The following COL23A1 variants were observed in gnomAD, a reference collection of about 807,000 sequenced individuals.
The protein encoded by COL23A1 is collagen type XXIII alpha 1 chain.
A neutral mutation model predicts 99.3 loss-of-function variants in COL23A1; 97 were observed. That is an observed-to-expected ratio of 0.98 (90% confidence interval 0.83 to 1.16). COL23A1 has a LOEUF of 1.16. Ranked by LOEUF, COL23A1 falls within the 50% of genes most tolerant of loss-of-function variation. The pLI is 0.00. For synonymous variants in COL23A1, 320 were observed against 308.2 expected (o/e 1.04, Z -0.40); for missense variants, 762 against 757.4 (o/e 1.01, Z -0.07).
intron 1 of COL23A1, among the ~76,000 whole-genome samples, chr5:178,581,626 G>GTTA (rs2113723558): frequency 6.6e-6 from 1 of 151,748 alleles, no homozygotes; most frequent in Admixed American, 6.6e-5. Flanking sequence ...TCTGTATCCA[G>GTTA]TTACTCCACA....
At chr5:178,562,149 G>GAGTTT (rs1474167895) in intron 1 of COL23A1, 1 of 504,546 alleles carries the variant, frequency 2.0e-6, no homozygotes, top group Non-Finnish European at 3.9e-6. Context: ...GACTGAGGCT[G>GAGTTT]GAGAACTGCT....
chr5:178,343,192 G>A (rs919480011), intron 2 of COL23A1, among the ~76,000 whole-genome samples: 5 of 152,156 alleles, frequency 3.3e-5, no homozygotes, highest in Non-Finnish European at 5.9e-5. Context: ...CATGGTTCAA[G>A]ACATGAGAAG....
At chr5:178,566,379 C>G (rs1467228348) in intron 1 of COL23A1, among the ~76,000 whole-genome samples, 1 of 152,184 alleles carries the variant, frequency 6.6e-6, no homozygotes, top group Non-Finnish European at 1.5e-5. Flanking sequence ...ATACCAATTA[C>G]AAACCAAAAG....
Position 178,357,918 on chromosome 5 carries a change from GTGTA to G in COL23A1, c.362-51003_362-51000del, listed in dbSNP as rs1290915010. On this transcript the variant is annotated intron_variant, in intron 2 of 28. Coordinates refer to ENST00000390654, the MANE Select transcript of COL23A1 (RefSeq NM_173465.4). ...GTATGTGTGTCTAATGTGTGTGTAT[GTGTA>G]TGTGTGTATGTGTATGTATGTGTGT... Among the ~76,000 whole-genome samples the G allele has an allele frequency of 2.1e-3, 318 of 148,236 alleles. 2 individuals are homozygous for G. The highest frequency in any genetic ancestry group is 5.5e-3 in the African/African-American group (220 of 39,968).
chr5:178,357,904 T>TG (rs1761792744), intron 2 of COL23A1, among the ~76,000 whole-genome samples: 1 of 126,212 alleles, frequency 7.9e-6, no homozygotes, highest in Non-Finnish European at 1.7e-5. Context: ...TATGTGTGTC[T>TG]AATGTGTGTG....
At chr5:178,391,547 T>C (rs1763963055) in intron 2 of COL23A1, among the ~76,000 whole-genome samples, 1 of 152,102 alleles carries the variant, frequency 6.6e-6, no homozygotes, top group Admixed American at 6.5e-5. Context: ...TCACTCCCAC[T>C]AGGATGGCCA....
chr5:178,448,482 G>A (rs1767295175), intron 2 of COL23A1, among the ~76,000 whole-genome samples: 1 of 152,218 alleles, frequency 6.6e-6, no homozygotes, highest in South Asian at 2.1e-4. Flanking sequence ...CCGAGACTGG[G>A]TCATTTGTAA....
intron 2 of COL23A1, among the ~76,000 whole-genome samples, chr5:178,312,878 G>A (rs1012168941): frequency 6.6e-6 from 1 of 152,188 alleles, no homozygotes; most frequent in African/African-American, 2.4e-5. Context: ...CTATAGATCA[G>A]GGGAACTGAG....
chr5:178,419,886 T>C (rs1175806428), intron 2 of COL23A1, among the ~76,000 whole-genome samples: 2 of 152,206 alleles, frequency 1.3e-5, no homozygotes, highest in Admixed American at 6.5e-5. Context: ...GTAACCAGTC[T>C]CACTCTTTCT....
chr5:178,505,334 C>T (rs1758803814), intron 2 of COL23A1, among the ~76,000 whole-genome samples: 1 of 152,068 alleles, frequency 6.6e-6, no homozygotes, highest in South Asian at 2.1e-4. Flanking sequence ...ACGGCAACCT[C>T]CACCTCCCGG....
At chr5:178,377,581 C>T (rs1416348182) in intron 2 of COL23A1, among the ~76,000 whole-genome samples, 1 of 152,196 alleles carries the variant, frequency 6.6e-6, no homozygotes, top group Non-Finnish European at 1.5e-5. Context: ...AGCCTAACTT[C>T]CCTGGGTGCA....
At chr5:178,520,980 A>G (rs866827793) in intron 2 of COL23A1, among the ~76,000 whole-genome samples, 1 of 152,234 alleles carries the variant, frequency 6.6e-6, no homozygotes, top group African/African-American at 2.4e-5. Flanking sequence ...TGTGAACTTC[A>G]TAGCATGTAC....
intron 2 of COL23A1, among the ~76,000 whole-genome samples, chr5:178,420,296 C>G (rs1021566876): frequency 6.6e-6 from 1 of 152,144 alleles, no homozygotes; most frequent in South Asian, 2.1e-4. Context: ...GGGCAGCACT[C>G]GTGCCAGCAC....
intron 1 of COL23A1, chr5:178,562,783 CTGCTGATTGGTCCACTTTACAGAG>C (rs1413121275): frequency 4.0e-5 from 6 of 150,488 alleles, no homozygotes; most frequent in East Asian, 1.9e-4. Context: ...CGCCCATGTC[CTGCTGATTGGTCCACTTTACAGAG>C]TGCTGATTGG....
intron 2 of COL23A1, among the ~76,000 whole-genome samples, chr5:178,414,857 G>GC (rs1335904966): frequency 6.6e-6 from 1 of 152,168 alleles, no homozygotes; most frequent in African/African-American, 2.4e-5. Context: ...ACATCCCACA[G>GC]CCCTGCTTGA....
intron 2 of COL23A1, among the ~76,000 whole-genome samples, chr5:178,482,199 ACC>A (rs1757377552): frequency 6.6e-6 from 1 of 152,096 alleles, no homozygotes; most frequent in Non-Finnish European, 1.5e-5. Context: ...AAGGTTAACA[ACC>A]CAAATATCCA....
chr5:178,303,600 CTG>C (rs1298310715), intron 3 of COL23A1, among the ~76,000 whole-genome samples: 6 of 152,228 alleles, frequency 3.9e-5, no homozygotes, highest in Admixed American at 1.3e-4. Context: ...AGCACAGACA[CTG>C]TTGCCCGAAG....
chr5:178,336,623 C>T (rs1260291296), intron 2 of COL23A1, among the ~76,000 whole-genome samples: 1 of 152,178 alleles, frequency 6.6e-6, no homozygotes, highest in African/African-American at 2.4e-5. Flanking sequence ...CTTTTGGGTG[C>T]TGAAATGCTT....
chr5:178,579,814 C>T (rs906123982), intron 1 of COL23A1, among the ~76,000 whole-genome samples: 3 of 152,186 alleles, frequency 2.0e-5, no homozygotes, highest in Non-Finnish European at 4.4e-5. Context: ...CAAGGATGTC[C>T]ACACTCGCAG....
Sources: allele counts gnomAD v4.1 joint callset (sites outside exome capture counted in the v4.1 genomes callset), GRCh38; gene constraint gnomAD v4.1.1; transcripts MANE v1.5; gene names NCBI Gene and HGNC (gene_info 2026-07-23, HGNC 2026-07-21).